The following PPIL6 variants were observed in gnomAD, a reference collection of about 807,000 sequenced individuals.
The protein encoded by PPIL6 is probable inactive peptidyl-prolyl cis-trans isomerase-like 6.
In PPIL6, 39 loss-of-function variants were observed where a neutral mutation model predicts 36.8. That is an observed-to-expected ratio of 1.06 (90% CI 0.82 to 1.38). The LOEUF (loss-of-function observed/expected upper bound fraction) is 1.38. Among genes scored for constraint, PPIL6 ranks in the 40% most tolerant of loss-of-function variants. The pLI is 0.00. For synonymous variants in PPIL6, 123 were observed against 134.1 expected, an observed-to-expected ratio of 0.92 and a Z score of 0.57; for missense variants, 368 against 379.1, an observed-to-expected ratio of 0.97 and a Z score of 0.24.
At chr6:109,435,163 G>A (rs762585345) in intron 2 of PPIL6, among the ~76,000 whole-genome samples, 8 of 152,184 alleles carry the variant, frequency 5.3e-5, no homozygotes, top group Non-Finnish European at 7.3e-5. Context: ...TAACCAGCTC[G>A]GTGCCAGGGT....
At position 109,439,184 on chromosome 6, in the gene PPIL6, G is replaced by GA. The variant is rs920686308; in HGVS notation, c.135+1271dup. ...TTCAGAAAAAGAGCGAAAAAAAAGA[G>GA]AAAAAAAATCTCTGAAACTCATTAA... On this transcript the variant is annotated intron_variant, in intron 1 of 7. Transcript: ENST00000521072. Among the ~76,000 whole-genome samples, 15 of 151,940 alleles carry GA rather than the reference G, an allele frequency of 9.9e-5. No individual in the cohort carries two copies. The East Asian group carries it at 1.4e-3, about 14-fold the overall frequency.
At position 109,426,890 on chromosome 6, in the gene PPIL6, G is replaced by T; in HGVS notation, c.588C>A (p.Ser196=). The change falls in exon 5 of 8, where the codon TCC becomes TCA. Residue 196 remains serine (S), a synonymous_variant. Transcript: ENST00000521072. ...QRGIRLHYKN[S]IFHRIVQNGW... is the part of the protein sequence containing the mutation. The stretch of plus-strand genomic sequence containing the variant: ...CATTCTGTACTATTCGATGAAAAAT[G>T]GAATTTTTGTAATGTAGTCTTATGC... 1 of 1,601,428 alleles carries T rather than the reference G, an allele frequency of 6.2e-7. No individual in the cohort carries two copies. The highest frequency in any genetic ancestry group is 8.5e-7 in the Non-Finnish European group (1 of 1,170,422).
chr6:109,393,337 C>G (rs999986599), intron 7 of PPIL6, among the ~76,000 whole-genome samples: 3 of 152,050 alleles, frequency 2.0e-5, no homozygotes, highest in Non-Finnish European at 2.9e-5. Context: ...CTGCCTCAGC[C>G]TCCTGAGTAG....
In PPIL6 at chr6:109,400,109, A is replaced by G; in HGVS notation, c.750T>C (p.Arg250=). The change falls in exon 7 of 8, where the codon CGT becomes CGC. Residue 250 remains arginine, a synonymous_variant. Coordinates refer to ENST00000521072, the MANE Select transcript of PPIL6 (RefSeq NM_173672.5). ...TATAGAATTGTGACCCGTTGCTGTG[A>G]CGGCCTTTGTTGGCCATTCCAAGTA... is the stretch of plus-strand genomic sequence containing the variant. ...RGVLGMANKG[R]HSNGSQFYIT... 1 of 1,613,840 alleles carries G rather than the reference A, an allele frequency of 6.2e-7. No homozygotes were observed. Among genetic ancestry groups the G allele is most frequent in the Non-Finnish European group, 8.5e-7 (1 of 1,179,808 alleles).
At chr6:109,424,692 G>T (rs947630369) in intron 5 of PPIL6, among the ~76,000 whole-genome samples, 6 of 152,140 alleles carry the variant, frequency 3.9e-5, no homozygotes, top group Non-Finnish European at 7.3e-5. Flanking sequence ...GATAAAACAG[G>T]CTACAGTAAA....
At chr6:109,429,581 T>C (rs1396343830) in intron 3 of PPIL6, among the ~76,000 whole-genome samples, 1 of 152,176 alleles carries the variant, frequency 6.6e-6, no homozygotes, top group African/African-American at 2.4e-5. Context: ...TTTGGGAATA[T>C]GACCTAGCCT....
chr6:109,390,640 G>T lies in PPIL6; in HGVS notation c.*2186C>A. 6.6e-6 allele frequency: 1 copy of T among 152,380 alleles called. No individual in the cohort carries two copies. 9.4% of individuals were successfully genotyped at this position (152,380 alleles called of 1,614,324 possible). ...AGTGGGTTGACTGTAAAGGGGTACT[G>T]GAAGGGGGTCTTTGAGGTGCTGGAA... On this transcript the variant is annotated 3_prime_UTR_variant, in exon 8 of 8. Coordinates refer to ENST00000521072, the MANE Select transcript of PPIL6 (RefSeq NM_173672.5).
chr6:109,426,732 A>T, intron 5 of PPIL6, 115 bp downstream of exon 5: 1 of 672,562 alleles, frequency 1.5e-6, no homozygotes, highest in Non-Finnish European at 2.3e-6. Flanking sequence ...GCATTCTTTA[A>T]ATACGTCTAA....
At chr6:109,439,447 C>G (rs1459207501) in intron 1 of PPIL6, among the ~76,000 whole-genome samples, 1 of 152,196 alleles carries the variant, frequency 6.6e-6, no homozygotes, top group Non-Finnish European at 1.5e-5. Flanking sequence ...AACTCCGCCT[C>G]CCGGGTTCAA....
At chr6:109,436,752 C>CA (rs1257463270) in intron 1 of PPIL6, among the ~76,000 whole-genome samples, 1 of 151,568 alleles carries the variant, frequency 6.6e-6, no homozygotes, top group African/African-American at 2.4e-5. Context: ...CAAAACAAAA[C>CA]AAAAAAAACT....
At chr6:109,419,073 T>A in intron 6 of PPIL6, 114 bp downstream of exon 6, 1 of 732,490 alleles carries the variant, frequency 1.4e-6, no homozygotes, top group Admixed American at 2.2e-5. Flanking sequence ...ACCTCTTGCT[T>A]GTACTGTAAG....
At chr6:109,401,897 G>C (rs945465398) in intron 6 of PPIL6, among the ~76,000 whole-genome samples, 2 of 151,814 alleles carry the variant, frequency 1.3e-5, no homozygotes, top group African/African-American at 4.8e-5. Context: ...CTAATTTTTT[G>C]TATTTTTAGT....
At chr6:109,432,355 T>C (rs1368469768) in intron 2 of PPIL6, among the ~76,000 whole-genome samples, 1 of 152,118 alleles carries the variant, frequency 6.6e-6, no homozygotes, top group Non-Finnish European at 1.5e-5. Context: ...AGTGTGTTAG[T>C]GTTTTCATCA....
intron 7 of PPIL6, 27 bp from the exon 8 acceptor site, chr6:109,392,964 T>G: frequency 7.3e-7 from 1 of 1,370,382 alleles, no homozygotes; most frequent in East Asian, 2.3e-5. Flanking sequence ...AATGGAAAAT[T>G]TAGTCAGTCA....
At chr6:109,411,190 G>C (rs1333439730) in intron 6 of PPIL6, among the ~76,000 whole-genome samples, 1 of 152,178 alleles carries the variant, frequency 6.6e-6, no homozygotes, top group Non-Finnish European at 1.5e-5. Flanking sequence ...AATACCAGAA[G>C]TAAGTGAGTA....
intron 5 of PPIL6, among the ~76,000 whole-genome samples, chr6:109,422,153 A>G (rs186404066): frequency 2.1e-3 from 315 of 152,142 alleles, no homozygotes; most frequent in Non-Finnish European, 3.2e-3. Flanking sequence ...TGGGATTACA[A>G]GCGTGAGCCA....
chr6:109,413,080 C>T lies in PPIL6; in HGVS notation c.688+6107G>A, dbSNP rs995512928. ...GGCTGAGGGAGGAGAATTGCTTGAA[C>T]CCAGGCAGCGGAGGTTGCAGTGAGC... On this transcript the variant is annotated intron_variant, in intron 6 of 7. Transcript: ENST00000521072. The surrounding 1 kb of genome is among the most constrained non-coding windows in gnomAD (Gnocchi z 4.6). Among the ~76,000 whole-genome samples the T allele has an allele frequency of 3.3e-5, 5 of 152,158 alleles. No homozygotes were observed. Among genetic ancestry groups the T allele is most frequent in the African/African-American group, 1.2e-4 (5 of 41,440 alleles).
At chr6:109,406,217 A>AT (rs397887454) in intron 6 of PPIL6, among the ~76,000 whole-genome samples, 19,856 of 140,534 alleles carry the variant, frequency 0.14, 2,245 homozygotes, top group African/African-American at 0.32. Context: ...CGCCCAGCTA[A>AT]TTTTTTTTTT....
chr6:109,429,131 C>T (rs1448071929), intron 3 of PPIL6, among the ~76,000 whole-genome samples: 1 of 152,068 alleles, frequency 6.6e-6, no homozygotes, highest in Non-Finnish European at 1.5e-5. Flanking sequence ...GAAAAGTCCA[C>T]CCTCTGTGCA....
Sources: gnomAD v4.1 joint callset for allele counts (sites outside exome capture counted in the v4.1 genomes callset) on GRCh38, gnomAD v4.1.1 for gene constraint, Gnocchi (gnomAD v3.1) non-coding constraint, MANE v1.5 for transcripts, NCBI Gene and HGNC (gene_info 2026-07-23, HGNC 2026-07-21) for gene names.